The following PDZRN3 variants were observed in gnomAD, a reference collection of about 807,000 sequenced individuals.
PDZRN3 encodes the protein E3 ubiquitin-protein ligase PDZRN3.
Under a neutral mutation model 85.7 loss-of-function variants are expected in PDZRN3, and 38 were observed. The ratio of observed to expected loss-of-function variants is 0.44; its 90% CI spans 0.34 to 0.58. The LOEUF (loss-of-function observed/expected upper bound fraction) is 0.58. PDZRN3 is among the 20% of genes least tolerant of loss of function. The pLI is 0.01. For synonymous variants in PDZRN3, 759 were observed against 638.0 expected (o/e 1.19, Z -2.86); for missense variants, 1,629 against 1,506.4 (o/e 1.08, Z -1.35).
rs1254826191 is a variant in PDZRN3, at chr3:73,408,131, G to A, written c.919-3736C>T. 7 of 703,288 alleles carry A rather than the reference G, an allele frequency of 1.0e-5. No individual in the cohort carries two copies. In the Admixed American group the frequency reaches 1.4e-4, roughly 14 times the overall value. 43.6% of individuals were successfully genotyped at this position (703,288 alleles called of 1,614,324 possible). A position where few individuals can be genotyped will look rare whatever the true frequency, so the allele number is the denominator to read the frequency against. On this transcript the variant is annotated intron_variant, in intron 3 of 9. Transcript: ENST00000263666. ...TTCAAATAAGCCCCTCCACAAGCCA[G>A]ATGACCTCCTCCTTTTTCACAGCTC...
chr3:73,558,906 C>G (rs1701759289), intron 3 of PDZRN3, among the ~76,000 whole-genome samples: 1 of 152,238 alleles, frequency 6.6e-6, no homozygotes, highest in African/African-American at 2.4e-5. Flanking sequence ...ATCACAAGTG[C>G]TTCCAAGGAC....
chr3:73,612,553 G>A (rs1360215410), intron 1 of PDZRN3, among the ~76,000 whole-genome samples: 1 of 152,212 alleles, frequency 6.6e-6, no homozygotes, highest in Non-Finnish European at 1.5e-5. Context: ...TAATGGTTAA[G>A]TTCTGGGACC....
rs1165589286 is a variant in PDZRN3, at chr3:73,400,967, A to G, written c.1209T>C (p.Ile403=). 4.5e-5 allele frequency: 72 copies of G among 1,613,732 alleles called. No individual in the cohort carries two copies. The highest frequency in any genetic ancestry group is 6.0e-5 in the Non-Finnish European group (71 of 1,179,698). The part of the protein sequence containing the change: ...AHEYYDPNDY[I]GDIHQEMDRE... Reference sequence around the variant, plus strand: ...TGTCCATCTCCTGATGGATGTCTCCAATGTAGTCATTTGGATCGTAGTATT... The same window carrying G: ...TGTCCATCTCCTGATGGATGTCTCCGATGTAGTCATTTGGATCGTAGTATT... The change falls in exon 5 of 10, where the codon ATT becomes ATC. Residue 403 remains isoleucine, a synonymous_variant. Coordinates refer to ENST00000263666, the MANE Select transcript of PDZRN3 (RefSeq NM_015009.3).
chr3:73,534,408 T>G (rs935694510), intron 3 of PDZRN3, among the ~76,000 whole-genome samples: 13 of 152,374 alleles, frequency 8.5e-5, no homozygotes, highest in African/African-American at 3.1e-4. Context: ...TTTTTGAATT[T>G]GGGACATCCC....
intron 3 of PDZRN3, among the ~76,000 whole-genome samples, chr3:73,531,888 C>T (rs1303888419): frequency 6.6e-6 from 1 of 152,202 alleles, no homozygotes; most frequent in Admixed American, 6.5e-5. Flanking sequence ...ACTTTCAGCC[C>T]CTGCTGATAG....
chr3:73,421,873 C>T (rs1702210509), intron 3 of PDZRN3, among the ~76,000 whole-genome samples: 2 of 152,016 alleles, frequency 1.3e-5, no homozygotes, highest in Admixed American at 6.6e-5. Context: ...GGTCTCGATC[C>T]CCTGACCTCG....
chr3:73,433,614 T>C (rs1559677324), intron 3 of PDZRN3: 1 of 1,481,848 alleles, frequency 6.7e-7, no homozygotes, highest in East Asian at 2.5e-5. Flanking sequence ...TATGCACTTC[T>C]ATGGAATAAA....
chr3:73,487,625 C>CT (rs1330116996), intron 3 of PDZRN3, among the ~76,000 whole-genome samples: 1 of 152,166 alleles, frequency 6.6e-6, no homozygotes, highest in South Asian at 2.1e-4. Context: ...AACTTACTTT[C>CT]TTTTTTTTCC....
chr3:73,568,949 T>C (rs1210881854), intron 3 of PDZRN3, among the ~76,000 whole-genome samples: 1 of 152,172 alleles, frequency 6.6e-6, no homozygotes, highest in Non-Finnish European at 1.5e-5. Context: ...CAGGGAAGGA[T>C]AACTGAAATG....
chr3:73,576,914 C>T (rs1702133159), intron 3 of PDZRN3, among the ~76,000 whole-genome samples: 1 of 152,070 alleles, frequency 6.6e-6, no homozygotes, highest in Non-Finnish European at 1.5e-5. Context: ...TTAAATCAAG[C>T]ACAACCCACA....
intron 3 of PDZRN3, chr3:73,561,663 T>C (rs1217884054): frequency 6.6e-6 from 1 of 152,216 alleles, no homozygotes; most frequent in Admixed American, 6.5e-5. Flanking sequence ...TGCACTCACA[T>C]GGTGAGCACC....
At chr3:73,482,947 A>T (rs1041341196) in intron 3 of PDZRN3, among the ~76,000 whole-genome samples, 6 of 152,232 alleles carry the variant, frequency 3.9e-5, no homozygotes, top group Non-Finnish European at 7.3e-5. Context: ...TTGGACACCA[A>T]GGGGCTTAGG....
At chr3:73,439,097 T>G (rs1183563845) in intron 3 of PDZRN3, among the ~76,000 whole-genome samples, 1 of 152,226 alleles carries the variant, frequency 6.6e-6, no homozygotes, top group Non-Finnish European at 1.5e-5. Flanking sequence ...GGTCACTTTC[T>G]GTTTGCATCC....
At chr3:73,478,782 T>C (rs1703506649) in intron 3 of PDZRN3, among the ~76,000 whole-genome samples, 1 of 152,136 alleles carries the variant, frequency 6.6e-6, no homozygotes, top group African/African-American at 2.4e-5. Flanking sequence ...AAAAGAAAGG[T>C]CCAGTTCTCT....
chr3:73,572,894 T>C, intron 3 of PDZRN3, among the ~76,000 whole-genome samples: 1 of 152,196 alleles, frequency 6.6e-6, no homozygotes, highest in South Asian at 2.1e-4. Flanking sequence ...GTTGGAATTT[T>C]GAAAAGATGG....
chr3:73,422,492 A>G (rs1231951141), intron 3 of PDZRN3, among the ~76,000 whole-genome samples: 5 of 152,216 alleles, frequency 3.3e-5, no homozygotes, highest in African/African-American at 1.2e-4. Flanking sequence ...TGTTCTTATG[A>G]GGACAGGAAA....
At position 73,624,366 on chromosome 3, in the gene PDZRN3, C is replaced by T; in HGVS notation, c.460G>A (p.Glu154Lys). ...CAGCAGTGGCCGCCCGCGCGCTGCT[C>T]GCCGTGCGTCAAGGGTAGCCCGCAG... ...EGCGLPLTHG[E>K]QRAGGHCCAR... The change falls in exon 1 of 10, where the codon GAG (glutamate) becomes AAG (lysine). Residue 154 changes from glutamate to lysine, a missense_variant. Transcript: ENST00000263666. 1 of 1,300,686 alleles carries T rather than the reference C, an allele frequency of 7.7e-7. No homozygotes were observed. The highest frequency in any genetic ancestry group is 2.3e-5 in the South Asian group (1 of 43,280). 80.6% of individuals were successfully genotyped at this position (1,300,686 alleles called of 1,614,324 possible).
chr3:73,397,616 G>A (rs997482716), intron 5 of PDZRN3, among the ~76,000 whole-genome samples: 57 of 152,340 alleles, frequency 3.7e-4, no homozygotes, highest in African/African-American at 1.3e-3. Context: ...TGCTGGAGGC[G>A]CAGCTACTGT....
chr3:73,431,546 GA>G (rs1408857425), intron 3 of PDZRN3, among the ~76,000 whole-genome samples: 1 of 152,202 alleles, frequency 6.6e-6, no homozygotes, highest in East Asian at 1.9e-4. Context: ...ATAAGAGCGA[GA>G]ATGCAATTAT....
Sources: allele counts gnomAD v4.1 joint callset (sites outside exome capture counted in the v4.1 genomes callset), GRCh38; gene constraint gnomAD v4.1.1; transcripts MANE v1.5; gene names NCBI Gene and HGNC (gene_info 2026-07-23, HGNC 2026-07-21).